The following CACNG2 variants were observed in gnomAD, a reference collection of about 807,000 sequenced individuals.
The protein encoded by CACNG2 is calcium voltage-gated channel auxiliary subunit gamma 2, also known as voltage-dependent calcium channel gamma-2 subunit.
A neutral mutation model predicts 25.9 loss-of-function variants in CACNG2; 3 were observed. The observed-to-expected ratio is 0.12, with a 90% confidence interval of 0.05 to 0.30. CACNG2 has a LOEUF of 0.30. Ranked by LOEUF, CACNG2 falls within the 10% of genes least tolerant of loss-of-function variation. The pLI, the probability that CACNG2 is intolerant of heterozygous loss-of-function variation, is 1.00. For synonymous variants in CACNG2, 167 were observed against 173.3 expected (o/e 0.96, Z 0.29); for missense variants, 341 against 432.5 (o/e 0.79, Z 1.88).
In CACNG2 at chr22:36,628,687, C is replaced by G. The variant is rs140715718; in HGVS notation, c.212-41139G>C. ...CTGGCATGAAACTGTCAAGAACTCC[C>G]CTAGAAAGCTCTGATTGTTTGGGTT... is the stretch of plus-strand genomic sequence containing the variant. On this transcript the variant is annotated intron_variant, in intron 1 of 3. Transcript: ENST00000300105. 1.8e-3 allele frequency among the ~76,000 whole-genome samples: 273 copies of G among 152,084 alleles called. 1 individual carries two copies. The highest frequency in any genetic ancestry group is 6.4e-3 in the African/African-American group (267 of 41,480).
At chr22:36,601,032 G>GAATAA (rs1278399619) in intron 1 of CACNG2, among the ~76,000 whole-genome samples, 1 of 152,074 alleles carries the variant, frequency 6.6e-6, no homozygotes, top group Non-Finnish European at 1.5e-5. Flanking sequence ...CAAAAATCCT[G>GAATAA]AATACAATAC....
Position 36,563,287 on chromosome 22 carries a change from C to T in CACNG2, c.*1064G>A, listed in dbSNP as rs376015556. ...CCAGGGGACTGGGGGGCTTATGAGTCAGGGGGTCCACCATCGCCCCAGGGT... is the reference window on the plus strand; with the variant it reads ...CCAGGGGACTGGGGGGCTTATGAGTTAGGGGGTCCACCATCGCCCCAGGGT... On this transcript the variant is annotated 3_prime_UTR_variant, in exon 4 of 4. Coordinates refer to ENST00000300105, the MANE Select transcript of CACNG2 (RefSeq NM_006078.5). Among the ~76,000 whole-genome samples the T allele has an allele frequency of 6.6e-6, 1 of 152,072 alleles. No homozygotes were observed. Among genetic ancestry groups the T allele is most frequent in the East Asian group, 1.9e-4 (1 of 5,146 alleles).
intron 1 of CACNG2, among the ~76,000 whole-genome samples, chr22:36,637,346 GGC>G (rs1936372405): frequency 6.6e-6 from 1 of 152,198 alleles, no homozygotes; most frequent in Non-Finnish European, 1.5e-5. Flanking sequence ...GAGAGACTGT[GGC>G]CACTGACGAG....
intron 1 of CACNG2, among the ~76,000 whole-genome samples, chr22:36,666,335 G>T (rs1397051637): frequency 6.6e-6 from 1 of 152,158 alleles, no homozygotes. Flanking sequence ...TTAAGCCCAG[G>T]TGATTGAGGC....
intron 1 of CACNG2, among the ~76,000 whole-genome samples, chr22:36,655,067 G>C (rs1462482730): frequency 6.6e-6 from 1 of 152,100 alleles, no homozygotes; most frequent in African/African-American, 2.4e-5. Flanking sequence ...GGGAATTTTG[G>C]CGTTTGCTGG....
chr22:36,582,179 A>G (rs959808634), intron 2 of CACNG2, among the ~76,000 whole-genome samples: 1 of 152,140 alleles, frequency 6.6e-6, no homozygotes. Context: ...TCCCTTATGA[A>G]CACAACAGCC....
intron 2 of CACNG2, among the ~76,000 whole-genome samples, chr22:36,582,362 G>T (rs1222193704): frequency 2.0e-5 from 3 of 151,268 alleles, no homozygotes; most frequent in Non-Finnish European, 2.9e-5. Flanking sequence ...TTCCAGGCAT[G>T]CTCCCAACCC....
intron 1 of CACNG2, among the ~76,000 whole-genome samples, chr22:36,633,490 G>A (rs181334191): frequency 4.6e-5 from 7 of 152,288 alleles, no homozygotes; most frequent in Non-Finnish European, 1.0e-4. Flanking sequence ...TTGCTTACAT[G>A]GGAACGGATC....
At chr22:36,621,432 T>C (rs1182891182) in intron 1 of CACNG2, among the ~76,000 whole-genome samples, 1 of 152,082 alleles carries the variant, frequency 6.6e-6, no homozygotes, top group Non-Finnish European at 1.5e-5. Flanking sequence ...TAGCCAGGCA[T>C]GGAGGCACAT....
chr22:36,626,506 C>A (rs962967766), intron 1 of CACNG2, among the ~76,000 whole-genome samples: 1 of 152,056 alleles, frequency 6.6e-6, no homozygotes, highest in Non-Finnish European at 1.5e-5. Context: ...AATAATTGGA[C>A]AAAATGTAAG....
At chr22:36,688,282 G>A (rs768858592) in intron 1 of CACNG2, among the ~76,000 whole-genome samples, 9 of 151,976 alleles carry the variant, frequency 5.9e-5, no homozygotes, top group Non-Finnish European at 7.4e-5. Context: ...AGTGGCTCAC[G>A]CCCTGTAATC....
rs1468912678 is a variant in CACNG2, at chr22:36,702,723, GGA to G, written c.-149_-148del. The G allele has an allele frequency of 1.6e-6, 1 of 634,940 alleles. No homozygotes were observed. The highest frequency in any genetic ancestry group is 2.8e-6 in the Non-Finnish European group (1 of 362,032). 39.3% of individuals were successfully genotyped at this position (634,940 alleles called of 1,614,324 possible). On this transcript the variant is annotated 5_prime_UTR_variant, in exon 1 of 4. Transcript: ENST00000300105. ...GGATATATGTATGAATAGAGAATAT[GGA>G]GAGTTATAAAAAAAGGGAGGTAAGA...
chr22:36,610,765 C>T (rs1055165576), intron 1 of CACNG2, among the ~76,000 whole-genome samples: 4 of 152,134 alleles, frequency 2.6e-5, no homozygotes, highest in South Asian at 2.1e-4. Flanking sequence ...GACAGCTCAG[C>T]GAAGACCAAG....
intron 1 of CACNG2, among the ~76,000 whole-genome samples, chr22:36,689,321 G>A (rs1463604370): frequency 6.6e-6 from 1 of 152,138 alleles, no homozygotes; most frequent in Non-Finnish European, 1.5e-5. Context: ...AAGGACCCTG[G>A]TCTCATGGAA....
At chr22:36,623,011 G>GATTTTTT (rs1569032646) in intron 1 of CACNG2, among the ~76,000 whole-genome samples, 4 of 93,222 alleles carry the variant, frequency 4.3e-5, no homozygotes, top group South Asian at 3.4e-4. Context: ...TCAAAACATG[G>GATTTTTT]GTTTTTTTTT....
chr22:36,587,359 C>T (rs1213226592), intron 2 of CACNG2, 106 bp downstream of exon 2: 1 of 843,222 alleles, frequency 1.2e-6, no homozygotes, highest in Non-Finnish European at 2.1e-6. Context: ...TTCCTGCCCT[C>T]TGCTGTGATG....
intron 1 of CACNG2, among the ~76,000 whole-genome samples, chr22:36,614,680 AGTGGT>A (rs778206022): frequency 8.8e-4 from 133 of 151,846 alleles, no homozygotes; most frequent in Non-Finnish European, 1.7e-3. Context: ...GGGAGCAGCA[AGTGGT>A]GAGGCCTGTG....
chr22:36,649,302 C>A (rs186605425), intron 1 of CACNG2, among the ~76,000 whole-genome samples: 2 of 151,982 alleles, frequency 1.3e-5, no homozygotes, highest in Admixed American at 1.3e-4. Context: ...TTCCTTTTTT[C>A]TTTTTTTGAG....
At chr22:36,614,163 G>A (rs1935987951) in intron 1 of CACNG2, among the ~76,000 whole-genome samples, 2 of 152,040 alleles carry the variant, frequency 1.3e-5, no homozygotes, top group East Asian at 1.9e-4. Flanking sequence ...ACCACAATTC[G>A]ACAGCTGCTT....
Sources: gnomAD v4.1 joint callset for allele counts (sites outside exome capture counted in the v4.1 genomes callset) on GRCh38, gnomAD v4.1.1 for gene constraint, MANE v1.5 for transcripts, NCBI Gene and HGNC (gene_info 2026-07-23, HGNC 2026-07-21) for gene names.